LRRN1: variants seen among roughly 807,000 people sequenced by gnomAD.
LRRN1 encodes leucine-rich repeat neuronal protein 1.
LRRN1 carries 14 observed loss-of-function variants against 45.8 expected under a neutral mutation model. That is an observed-to-expected ratio of 0.31 (90% confidence interval 0.20 to 0.48). The LOEUF (loss-of-function observed/expected upper bound fraction) is 0.48. LRRN1 is among the 20% of genes least tolerant of loss of function. LRRN1 has a pLI of 0.99. For missense variants in LRRN1, 789 were observed against 874.2 expected (o/e 0.90, Z 1.23); for synonymous variants, 359 against 330.1 (o/e 1.09, Z -0.95).
chr3:3,833,723 G>C (rs947814854), intron 1 of LRRN1, among the ~76,000 whole-genome samples: 3 of 152,182 alleles, frequency 2.0e-5, no homozygotes, highest in Non-Finnish European at 4.4e-5. Flanking sequence ...GCCTCAGGCA[G>C]CGCAGGGTTT....
At chr3:3,821,622 C>G (rs1179788568) in intron 1 of LRRN1, among the ~76,000 whole-genome samples, 1 of 152,100 alleles carries the variant, frequency 6.6e-6, no homozygotes, top group Non-Finnish European at 1.5e-5. Flanking sequence ...TATTGGATCT[C>G]TTTTGCCTTT....
intron 1 of LRRN1, among the ~76,000 whole-genome samples, chr3:3,835,582 T>G (rs1480239450): frequency 7.7e-6 from 1 of 129,304 alleles, no homozygotes; most frequent in East Asian, 2.4e-4. Context: ...CAGAGCTGCC[T>G]GATTTTTTTT....
Position 3,833,749 on chromosome 3 carries a change from G to A in LRRN1, c.-278-10615G>A, listed in dbSNP as rs1176745359. Among the ~76,000 whole-genome samples the A allele has an allele frequency of 3.3e-5, 5 of 152,308 alleles. No homozygotes were observed. In the East Asian group the frequency reaches 5.8e-4, roughly 18 times the overall value. ...CGCAGGGTTTGTCTCCTCAGACAAA[G>A]GCGGAAAGGCCTATGGCAGCATGTG... On this transcript the variant is annotated intron_variant, in intron 1 of 1. Transcript: ENST00000319331.
At chr3:3,809,848 C>T (rs140573923) in intron 1 of LRRN1, among the ~76,000 whole-genome samples, 6 of 152,282 alleles carry the variant, frequency 3.9e-5, no homozygotes, top group East Asian at 1.9e-4. Flanking sequence ...ACTTAGTATA[C>T]AGTAGCAATG....
rs112130077 is a variant in LRRN1, at chr3:3,807,869, C to G, written c.-279+7950C>G. On this transcript the variant is annotated intron_variant, in intron 1 of 1. Transcript: ENST00000319331. ...GTGAGGACTACATGTAAGGCCTAAC[C>G]CCCCAAAGGACCAGTTAGCTTTGCT... 1.5e-3 allele frequency among the ~76,000 whole-genome samples: 230 copies of G among 152,260 alleles called. 1 individual carries two copies. Among genetic ancestry groups the G allele is most frequent in the African/African-American group, 5.4e-3 (223 of 41,536 alleles).
chr3:3,812,714 G>A (rs1259542190), intron 1 of LRRN1, among the ~76,000 whole-genome samples: 2 of 151,720 alleles, frequency 1.3e-5, no homozygotes, highest in South Asian at 4.2e-4. Flanking sequence ...TACATGTGTG[G>A]ACTGGCATAT....
chr3:3,804,771 C>T (rs1692720841), intron 1 of LRRN1, among the ~76,000 whole-genome samples: 1 of 137,302 alleles, frequency 7.3e-6, no homozygotes. Context: ...TTTTGGTTAC[C>T]ATAGTTACAT....
At chr3:3,836,484 C>T (rs374957368) in intron 1 of LRRN1, among the ~76,000 whole-genome samples, 103 of 152,246 alleles carry the variant, frequency 6.8e-4, no homozygotes, top group African/African-American at 2.4e-3. Flanking sequence ...AAGATTCATC[C>T]GTGTTGTAGC....
At chr3:3,807,261 T>C (rs947306457) in intron 1 of LRRN1, among the ~76,000 whole-genome samples, 1 of 152,124 alleles carries the variant, frequency 6.6e-6, no homozygotes, top group Non-Finnish European at 1.5e-5. Flanking sequence ...AGAGTGCAGC[T>C]AGAGTTAGAA....
chr3:3,817,472 C>T (rs1048635182), intron 1 of LRRN1, among the ~76,000 whole-genome samples: 2 of 152,136 alleles, frequency 1.3e-5, no homozygotes, highest in South Asian at 2.1e-4. Flanking sequence ...CCTTGACTAG[C>T]GGGAACTTCT....
At position 3,844,744 on chromosome 3, in the gene LRRN1, C is replaced by G; in HGVS notation, c.103C>G (p.Leu35Val). ...CATACAGAATAGTGAGTGTCCACAA[C>G]TTTGCGTATGTGAAATTCGTCCCTG... ...SSIQNSECPQ[L>V]CVCEIRPWFT... is the part of the protein sequence containing the mutation. The change falls in exon 2 of 2, where the codon CTT becomes GTT. Residue 35 changes from leucine (L) to valine (V), a missense_variant. Leu to Val is a conservative substitution (Grantham distance 32). Transcript: ENST00000319331. The G allele has an allele frequency of 1.2e-6, 2 of 1,614,158 alleles. No individual in the cohort carries two copies. Among genetic ancestry groups the G allele is most frequent in the Non-Finnish European group, 1.7e-6 (2 of 1,180,004 alleles).
chr3:3,837,280 A>T (rs958334356), intron 1 of LRRN1, among the ~76,000 whole-genome samples: 1 of 152,096 alleles, frequency 6.6e-6, no homozygotes, highest in African/African-American at 2.4e-5. Flanking sequence ...ATAAGACTAC[A>T]TACTAAGTCC....
chr3:3,841,035 C>T (rs1693640941), intron 1 of LRRN1, among the ~76,000 whole-genome samples: 1 of 152,096 alleles, frequency 6.6e-6, no homozygotes, highest in Non-Finnish European at 1.5e-5. Context: ...TGCGGTGGCT[C>T]ACACCTGTAA....
At chr3:3,820,164 CT>C (rs2106457883) in intron 1 of LRRN1, among the ~76,000 whole-genome samples, 1 of 152,240 alleles carries the variant, frequency 6.6e-6, no homozygotes, top group South Asian at 2.1e-4. Context: ...TTTAGAATTA[CT>C]TTTACTTCAT....
chr3:3,826,345 T>G (rs1386925572), intron 1 of LRRN1, among the ~76,000 whole-genome samples: 1 of 152,184 alleles, frequency 6.6e-6, no homozygotes, highest in Non-Finnish European at 1.5e-5. Context: ...TGGGAAGCTA[T>G]GACTACTTAA....
chr3:3,827,747 G>T (rs1355338565), intron 1 of LRRN1, among the ~76,000 whole-genome samples: 10 of 152,102 alleles, frequency 6.6e-5, no homozygotes, highest in African/African-American at 2.4e-4. Flanking sequence ...TTCATTTGGG[G>T]ATCAAAATTT....
intron 1 of LRRN1, among the ~76,000 whole-genome samples, chr3:3,840,158 T>C (rs997912721): frequency 6.6e-6 from 1 of 152,174 alleles, no homozygotes; most frequent in Non-Finnish European, 1.5e-5. Context: ...CCTTCCATTC[T>C]TCATTTGTTG....
At chr3:3,832,566 T>C (rs1038887795) in intron 1 of LRRN1, among the ~76,000 whole-genome samples, 17 of 152,200 alleles carry the variant, frequency 1.1e-4, no homozygotes, top group Non-Finnish European at 2.4e-4. Context: ...AAATGTCTGA[T>C]CATTTCCCTT....
chr3:3,814,045 T>C (rs1459180367), intron 1 of LRRN1, among the ~76,000 whole-genome samples: 3 of 151,930 alleles, frequency 2.0e-5, no homozygotes, highest in African/African-American at 7.3e-5. Context: ...CAGTATCCAA[T>C]AGATGCCTCT....
Sources: gnomAD v4.1 joint callset for allele counts (sites outside exome capture counted in the v4.1 genomes callset) on GRCh38, gnomAD v4.1.1 for gene constraint, MANE v1.5 for transcripts, NCBI Gene and HGNC (gene_info 2026-07-23, HGNC 2026-07-21) for gene names.